The following DLC1 variants were observed in gnomAD, a reference collection of about 807,000 sequenced individuals.
The protein encoded by DLC1 is DLC1 Rho GTPase activating protein.
DLC1 carries 54 observed loss-of-function variants against 140.3 expected under a neutral mutation model. The observed-to-expected ratio is 0.38, with a 90% confidence interval of 0.31 to 0.48. The LOEUF (loss-of-function observed/expected upper bound fraction) is 0.48, where lower values mean the gene tolerates loss of function less well. Among genes scored for constraint, DLC1 ranks in the 20% least tolerant of loss-of-function variants. The pLI, the probability that DLC1 is intolerant of heterozygous loss-of-function variation, is 0.96. For missense variants in DLC1, 2,536 were observed against 1,907.0 expected, an observed-to-expected ratio of 1.33 and a Z score of -6.14; for synonymous variants, 986 against 728.1, an observed-to-expected ratio of 1.35 and a Z score of -5.70.
chr8:13,530,239 C>G (rs1803051589), intron 1 of DLC1, among the ~76,000 whole-genome samples: 1 of 152,136 alleles, frequency 6.6e-6, no homozygotes, highest in Non-Finnish European at 1.5e-5. Flanking sequence ...TGCTTTTTCT[C>G]TAAGTCCTCT....
In DLC1 at chr8:13,585,846, T is replaced by C. The variant is rs117369025; in HGVS notation, c.-126+18691A>G. ...GGTGTATTAAAGAACTTGATTACCA[T>C]TGTAAACATCTTGTCTCCAAATACA... is the stretch of plus-strand genomic sequence containing the variant. On this transcript the variant is annotated intron_variant, in intron 1 of 1. Coordinates refer to the DLC1 transcript ENST00000631382. 4.2e-3 allele frequency among the ~76,000 whole-genome samples: 639 copies of C among 152,318 alleles called. 2 individuals are homozygous for C. Among genetic ancestry groups the C allele is most frequent in the Admixed American group, 8.6e-3 (131 of 15,296 alleles).
intron 5 of DLC1, among the ~76,000 whole-genome samples, chr8:13,261,380 G>A (rs1194047127): frequency 1.3e-5 from 2 of 152,122 alleles, no homozygotes; most frequent in African/African-American, 4.8e-5. Flanking sequence ...AAGGTGAAGT[G>A]GGAAGAGTAG....
intron 2 of DLC1, among the ~76,000 whole-genome samples, chr8:13,471,880 C>A (rs147889312): frequency 1.4e-3 from 210 of 152,298 alleles, no homozygotes; most frequent in Non-Finnish European, 2.6e-3. Flanking sequence ...TCAGCCTGGG[C>A]TCTTCCCCAG....
At chr8:13,342,311 A>G (rs1834099140) in intron 4 of DLC1, 1 of 152,238 alleles carries the variant, frequency 6.6e-6, no homozygotes, top group African/African-American at 2.4e-5. Flanking sequence ...CTCTGAAAAA[A>G]TTATCTATAT....
upstream of DLC1, among the ~76,000 whole-genome samples, chr8:13,518,112 T>C (rs1425818897): frequency 6.6e-6 from 1 of 150,548 alleles, no homozygotes; most frequent in Non-Finnish European, 1.5e-5. Context: ...TTTTTTGTTT[T>C]TGTTTTTGTT....
At chr8:13,222,405 A>T (rs1828600908) in intron 5 of DLC1, among the ~76,000 whole-genome samples, 1 of 152,144 alleles carries the variant, frequency 6.6e-6, no homozygotes, top group East Asian at 1.9e-4. Flanking sequence ...TATTTCATTG[A>T]TTATACTGAT....
At chr8:13,181,671 C>G (rs1300066254) in intron 5 of DLC1, among the ~76,000 whole-genome samples, 4 of 151,622 alleles carry the variant, frequency 2.6e-5, no homozygotes, top group Non-Finnish European at 5.9e-5. Flanking sequence ...TGAACTCATC[C>G]TTTTTTATGG....
chr8:13,584,831 C>T (rs1345794871), intron 1 of DLC1, among the ~76,000 whole-genome samples: 1 of 152,194 alleles, frequency 6.6e-6, no homozygotes, highest in African/African-American at 2.4e-5. Flanking sequence ...ACCCAATCCT[C>T]CCTTTTCTTT....
intron 12 of DLC1, 142 bp downstream of exon 12, chr8:13,094,617 G>T: frequency 2.0e-6 from 2 of 990,990 alleles, no homozygotes; most frequent in Non-Finnish European, 3.0e-6. Context: ...AGTGAGCCGA[G>T]GTCACGCCAC....
At chr8:13,397,373 G>A (rs1272941436) in intron 3 of DLC1, among the ~76,000 whole-genome samples, 1 of 152,064 alleles carries the variant, frequency 6.6e-6, no homozygotes, top group African/African-American at 2.4e-5. Context: ...AGAATAGAAG[G>A]AAAAATGGAG....
At chr8:13,403,692 G>C (rs891416452) in intron 2 of DLC1, among the ~76,000 whole-genome samples, 6 of 151,710 alleles carry the variant, frequency 4.0e-5, no homozygotes, top group Non-Finnish European at 8.8e-5. Context: ...CTGTAGTGCA[G>C]TGCAGTGGCA....
chr8:13,421,344 G>A (rs186112412), intron 2 of DLC1, among the ~76,000 whole-genome samples: 55 of 152,174 alleles, frequency 3.6e-4, no homozygotes, highest in Non-Finnish European at 5.7e-4. Flanking sequence ...ACCCAGTAGC[G>A]TCTATGCACA....
intron 2 of DLC1, among the ~76,000 whole-genome samples, chr8:13,493,069 C>T (rs1212571985): frequency 2.0e-5 from 3 of 152,162 alleles, no homozygotes; most frequent in African/African-American, 4.8e-5. Context: ...CAACTAACCA[C>T]TTGGAAATAA....
intron 2 of DLC1, among the ~76,000 whole-genome samples, chr8:13,472,980 A>T (rs1174496935): frequency 6.6e-6 from 1 of 152,234 alleles, no homozygotes. Flanking sequence ...AAGGAAAAAA[A>T]GAAATATCTA....
intron 5 of DLC1, among the ~76,000 whole-genome samples, chr8:13,146,477 G>C (rs962835769): frequency 6.6e-6 from 1 of 151,574 alleles, no homozygotes; most frequent in South Asian, 2.1e-4. Flanking sequence ...TAAGTTATTA[G>C]AAATAATCAC....
chr8:13,098,604 T>C (rs781676897), intron 9 of DLC1, 29 bp from the exon 10 acceptor site: 7 of 1,586,482 alleles, frequency 4.4e-6, no homozygotes, highest in African/African-American at 1.4e-5. Flanking sequence ...GGAAAATGAG[T>C]GTGAAGCCTT....
intron 1 of DLC1, among the ~76,000 whole-genome samples, chr8:13,541,166 TG>T (rs1268606158): frequency 6.6e-6 from 1 of 152,230 alleles, no homozygotes; most frequent in African/African-American, 2.4e-5. Context: ...AGTATTCCAC[TG>T]TGAGTCTACC....
chr8:13,572,799 A>G (rs577127801), intron 1 of DLC1, among the ~76,000 whole-genome samples: 3 of 152,098 alleles, frequency 2.0e-5, no homozygotes, highest in African/African-American at 7.2e-5. Flanking sequence ...TAGAAATAAG[A>G]GTTTATTTCT....
At chr8:13,546,619 G>A (rs1585261174) in intron 1 of DLC1, among the ~76,000 whole-genome samples, 2 of 152,048 alleles carry the variant, frequency 1.3e-5, no homozygotes, top group Admixed American at 1.3e-4. Context: ...GTAAATGAAG[G>A]AAAAACCAGG....
Sources: allele counts gnomAD v4.1 joint callset (sites outside exome capture counted in the v4.1 genomes callset), GRCh38; gene constraint gnomAD v4.1.1; transcripts MANE v1.5; gene names NCBI Gene and HGNC (gene_info 2026-07-23, HGNC 2026-07-21).